LRRC74A: variants seen among roughly 807,000 people sequenced by gnomAD.
LRRC74A encodes the protein leucine rich repeat containing 74A.
Under a neutral mutation model 57.9 loss-of-function variants are expected in LRRC74A, and 44 were observed. The ratio of observed to expected loss-of-function variants is 0.76; its 90% CI spans 0.60 to 0.98. The LOEUF is 0.98. Ranked by LOEUF, LRRC74A falls within the 50% of genes least tolerant of loss-of-function variation. LRRC74A has a pLI of 0.00. For synonymous variants in LRRC74A, 211 were observed against 219.4 expected (o/e 0.96, Z 0.34); for missense variants, 572 against 574.0 (o/e 1.00, Z 0.04).
chr14:76,864,758 G>A (rs1241530503), intron 11 of LRRC74A, among the ~76,000 whole-genome samples: 1 of 152,172 alleles, frequency 6.6e-6, no homozygotes. Flanking sequence ...GGAGGCTGAG[G>A]CAGGAGAATT....
chr14:76,869,310 G>A (rs1207369525), intron 13 of LRRC74A, among the ~76,000 whole-genome samples: 2 of 152,204 alleles, frequency 1.3e-5, no homozygotes, highest in African/African-American at 4.8e-5. Context: ...CTCAGCGCCT[G>A]AGCAGGAGCC....
intron 5 of LRRC74A, 83 bp from the exon 6 acceptor site, chr14:76,844,340 A>T: frequency 8.0e-7 from 1 of 1,253,120 alleles, no homozygotes; most frequent in Non-Finnish European, 1.1e-6. Flanking sequence ...TCTAAAGGGA[A>T]GTGGACTGGG....
chr14:76,857,850 G>A (rs1375994050), intron 10 of LRRC74A, among the ~76,000 whole-genome samples: 1 of 152,308 alleles, frequency 6.6e-6, no homozygotes, highest in Admixed American at 6.5e-5. Flanking sequence ...CACAAAATTT[G>A]TAGAATCTGG....
chr14:76,829,955 C>A (rs1413291454), intron 2 of LRRC74A, among the ~76,000 whole-genome samples: 1 of 152,262 alleles, frequency 6.6e-6, no homozygotes, highest in Non-Finnish European at 1.5e-5. Context: ...CACCTGGAAG[C>A]AATTTTGCAC....
At chr14:76,866,108 G>A (rs1157336903) in intron 12 of LRRC74A, 33 bp downstream of exon 12, 1 of 1,373,246 alleles carries the variant, frequency 7.3e-7, no homozygotes, top group Admixed American at 1.9e-5. Context: ...CAGGCTGTGT[G>A]TGAGTGTGAG....
chr14:76,834,034 T>A (rs1311180455), intron 3 of LRRC74A, among the ~76,000 whole-genome samples: 1 of 152,214 alleles, frequency 6.6e-6, no homozygotes, highest in Non-Finnish European at 1.5e-5. Context: ...AGCCCCCACT[T>A]GGCATTGAAT....
chr14:76,866,503 T>G (rs1898807565), intron 12 of LRRC74A, among the ~76,000 whole-genome samples: 2 of 152,288 alleles, frequency 1.3e-5, no homozygotes, highest in Admixed American at 6.5e-5. Context: ...GAAAGCCCCC[T>G]GTAATGCATA....
intron 9 of LRRC74A, among the ~76,000 whole-genome samples, chr14:76,854,808 A>C (rs867556334): frequency 1.6e-4 from 24 of 152,192 alleles, no homozygotes; most frequent in African/African-American, 5.8e-4. Flanking sequence ...GTTGGAAAAT[A>C]AATGAAAGGT....
chr14:76,860,255 C>G (rs1340793566), intron 10 of LRRC74A, among the ~76,000 whole-genome samples: 1 of 152,192 alleles, frequency 6.6e-6, no homozygotes, highest in Non-Finnish European at 1.5e-5. Flanking sequence ...AGGGCACTTC[C>G]AGAAGGGGAA....
At position 76,836,218 on chromosome 14, in the gene LRRC74A, T is replaced by C. The variant is rs1896322428; in HGVS notation, c.351T>C (p.Ala117=). The C allele has an allele frequency of 6.2e-7, 1 of 1,613,430 alleles. No individual in the cohort carries two copies. The highest frequency in any genetic ancestry group is 8.5e-7 in the Non-Finnish European group (1 of 1,179,588). The part of the protein sequence containing the change: ...AIAIALVSNM[A]VTKLELEDNC... ...TGTGCTGGCTGAAGTCCAACATGGC[T>C]GTTACCAAACTGGAGCTGGAAGACA... Residue 117 remains alanine, a synonymous_variant, in exon 4 of 14, where the codon GCT becomes GCC. Transcript: ENST00000689127.
chr14:76,864,216 G>A (rs1192850070), intron 11 of LRRC74A, among the ~76,000 whole-genome samples: 1 of 152,164 alleles, frequency 6.6e-6, no homozygotes, highest in Non-Finnish European at 1.5e-5. Context: ...GTGGAGGATG[G>A]AGAACTGGAA....
chr14:76,830,731 G>T (rs1455506545), intron 2 of LRRC74A, among the ~76,000 whole-genome samples: 1 of 152,198 alleles, frequency 6.6e-6, no homozygotes, highest in Non-Finnish European at 1.5e-5. Flanking sequence ...TAAGTCTTTG[G>T]TGAAGCTTTT....
intron 7 of LRRC74A, among the ~76,000 whole-genome samples, chr14:76,848,895 C>T (rs937694921): frequency 1.4e-4 from 22 of 152,026 alleles, no homozygotes; most frequent in Non-Finnish European, 2.4e-4. Flanking sequence ...AGGGTGGGTG[C>T]GGGTGCAGTA....
chr14:76,862,180 G>T (rs1294733129), intron 11 of LRRC74A, among the ~76,000 whole-genome samples: 1 of 152,166 alleles, frequency 6.6e-6, no homozygotes, highest in Non-Finnish European at 1.5e-5. Context: ...CCCCTCAGGG[G>T]ATCAACAATC....
intron 12 of LRRC74A, among the ~76,000 whole-genome samples, 190 bp from the exon 13 acceptor site, chr14:76,867,165 GT>G (rs1898958885): frequency 2.2e-4 from 1 of 4,548 alleles, no homozygotes; most frequent in Non-Finnish European, 9.8e-4. Flanking sequence ...TGGGGGTGGG[GT>G]GTGTGGTAGT....
At position 76,828,312 on chromosome 14, in the gene LRRC74A, T is replaced by C. The variant is rs552624929; in HGVS notation, c.59T>C (p.Val20Ala). 2.3e-4 allele frequency: 362 copies of C among 1,606,146 alleles called. 2 individuals are homozygous for C. The South Asian group carries it at 3.5e-3, about 16-fold the overall frequency. ...CCAGATGAGATTGAAATTGAGCCAG[T>C]ACGACAGAGCAGCGATAAAATGCTC... ...ETEDEIEIEP[V>A]RQSSDKMLYC... The change falls in exon 2 of 14, where the codon GTA becomes GCA. Residue 20 changes from valine to alanine, a missense_variant. Physicochemically the swap from Val to Ala is moderately conservative, Grantham distance 64. Coordinates refer to ENST00000689127, the MANE Select transcript of LRRC74A (RefSeq NM_001385106.1).
chr14:76,868,939 A>G (rs1899188215), intron 13 of LRRC74A, among the ~76,000 whole-genome samples: 1 of 152,196 alleles, frequency 6.6e-6, no homozygotes, highest in Non-Finnish European at 1.5e-5. Context: ...GGAAATGCAC[A>G]CAGCGGCTGG....
Position 76,865,975 on chromosome 14 carries a change from C to T in LRRC74A, c.1208C>T (p.Ala403Val), listed in dbSNP as rs1371340443. 1.3e-6 allele frequency: 2 copies of T among 1,585,500 alleles called. No homozygotes were observed. Among genetic ancestry groups the T allele is most frequent in the Admixed American group, 1.7e-5 (1 of 59,014 alleles). ...CTCTCCTGCTTCTCTCAGAGCTATGCAGACCAACACAAAATCACGATCGTG... is the reference window on the plus strand; with the variant it reads ...CTCTCCTGCTTCTCTCAGAGCTATGTAGACCAACACAAAATCACGATCGTG... ...TNPMKLIQSYADQHKITIVDF... is the reference protein window; with the variant it reads ...TNPMKLIQSYVDQHKITIVDF... Residue 403 changes from alanine (A) to valine (V), a missense_variant, in exon 12 of 14, where the codon GCA becomes GTA. By Grantham distance (64) the Ala-to-Val change is moderately conservative. Coordinates refer to ENST00000689127, the MANE Select transcript of LRRC74A (RefSeq NM_001385106.1).
chr14:76,853,949 C>T (rs941708401), intron 9 of LRRC74A, among the ~76,000 whole-genome samples: 4 of 152,106 alleles, frequency 2.6e-5, no homozygotes, highest in African/African-American at 9.7e-5. Flanking sequence ...ACAAATCTGA[C>T]ATCCATTCCC....
Sources: gnomAD v4.1 joint callset for allele counts (sites outside exome capture counted in the v4.1 genomes callset) on GRCh38, gnomAD v4.1.1 for gene constraint, MANE v1.5 for transcripts, NCBI Gene and HGNC (gene_info 2026-07-23, HGNC 2026-07-21) for gene names.